EYS: variants seen among roughly 807,000 people sequenced by gnomAD.
The protein encoded by EYS is protein eyes shut homolog.
In EYS, 250 loss-of-function variants were observed where a neutral mutation model predicts 282.1. The ratio of observed to expected loss-of-function variants is 0.89; its 90% CI spans 0.80 to 0.98. The LOEUF (loss-of-function observed/expected upper bound fraction) is 0.98, where lower values mean the gene tolerates loss of function less well. Ranked by LOEUF, EYS falls within the 50% of genes least tolerant of loss-of-function variation. The probability of loss-of-function intolerance (pLI) is 0.00; values close to 1 mark genes in which losing one functional copy is unlikely to be tolerated. For synonymous variants in EYS, 1,355 were observed against 1,282.9 expected (o/e 1.06, Z -1.20); for missense variants, 4,016 against 3,709.0 (o/e 1.08, Z -2.15).
chr6:63,795,237 A>T (rs553252459), intron 37 of EYS, among the ~76,000 whole-genome samples: 1 of 152,324 alleles, frequency 6.6e-6, no homozygotes, highest in African/African-American at 2.4e-5. Flanking sequence ...GGGCAACAAG[A>T]TGAGATGCTG....
chr6:64,660,431 A>G lies in EYS; in HGVS notation c.3444-34186T>C, dbSNP rs1768961710. Among the ~76,000 whole-genome samples, 3 of 151,964 alleles carry G rather than the reference A, an allele frequency of 2.0e-5. No individual in the cohort carries two copies. In the South Asian group the frequency reaches 6.2e-4, roughly 32 times the overall value. On this transcript the variant is annotated intron_variant, in intron 22 of 42. Transcript: ENST00000503581. ...GAAATAAAGGGTATTCAATTAGGAA[A>G]AGAGGAAGTCAAATTGTCCCTGTTT... is the stretch of plus-strand genomic sequence containing the variant.
intron 12 of EYS, among the ~76,000 whole-genome samples, chr6:65,276,489 C>T (rs1768051925): frequency 6.6e-6 from 1 of 151,978 alleles, no homozygotes; most frequent in Admixed American, 6.6e-5. Context: ...TCAGGATCAA[C>T]AGGCAAAGAA....
At chr6:64,445,049 T>C (rs1775074840) in intron 26 of EYS, among the ~76,000 whole-genome samples, 1 of 152,228 alleles carries the variant, frequency 6.6e-6, no homozygotes, top group African/African-American at 2.4e-5. Flanking sequence ...TTGATAGCAA[T>C]ACAAAACAGA....
At chr6:64,486,418 A>G (rs1776580873) in intron 26 of EYS, among the ~76,000 whole-genome samples, 2 of 151,448 alleles carry the variant, frequency 1.3e-5, no homozygotes, top group Non-Finnish European at 3.0e-5. Flanking sequence ...AATTCAAGGG[A>G]TTTTGAATAA....
At chr6:65,510,117 C>A (rs1047549921) in intron 2 of EYS, among the ~76,000 whole-genome samples, 1 of 150,884 alleles carries the variant, frequency 6.6e-6, no homozygotes, top group Non-Finnish European at 1.5e-5. Flanking sequence ...GTGCGCTGCA[C>A]CCACTAACTC....
chr6:64,409,555 A>C (rs1773820874), intron 28 of EYS, among the ~76,000 whole-genome samples: 1 of 152,192 alleles, frequency 6.6e-6, no homozygotes, highest in Non-Finnish European at 1.5e-5. Flanking sequence ...ATTCTTACCA[A>C]GACATGGCCA....
At chr6:64,028,663 A>C (rs1014223426) in intron 33 of EYS, among the ~76,000 whole-genome samples, 1 of 152,136 alleles carries the variant, frequency 6.6e-6, no homozygotes, top group African/African-American at 2.4e-5. Context: ...GTCTTGCCCC[A>C]AGGGTTTAGG....
intron 39 of EYS, among the ~76,000 whole-genome samples, chr6:63,781,568 A>G (rs1417019899): frequency 1.3e-5 from 2 of 152,206 alleles, no homozygotes; most frequent in Non-Finnish European, 2.9e-5. Context: ...ATTGGTGTAT[A>G]GGAATGCTTG....
intron 33 of EYS, among the ~76,000 whole-genome samples, chr6:64,007,579 TGTTAA>T (rs754540640): frequency 2.5e-4 from 38 of 152,242 alleles, no homozygotes; most frequent in East Asian, 1.7e-3. Context: ...CTAGATGTGG[TGTTAA>T]GTTGTTAATT....
At chr6:65,258,653 C>G (rs1469151837) in intron 12 of EYS, among the ~76,000 whole-genome samples, 1 of 151,976 alleles carries the variant, frequency 6.6e-6, no homozygotes, top group Non-Finnish European at 1.5e-5. Context: ...ATTATGAGAG[C>G]AAGATTGTCT....
chr6:65,567,612 T>C (rs1764322590), intron 2 of EYS, among the ~76,000 whole-genome samples: 1 of 152,102 alleles, frequency 6.6e-6, no homozygotes, highest in African/African-American at 2.4e-5. Context: ...CTAGGAAATG[T>C]ATCATTATTT....
At chr6:65,527,712 G>A (rs906847075) in intron 2 of EYS, among the ~76,000 whole-genome samples, 8 of 152,140 alleles carry the variant, frequency 5.3e-5, no homozygotes, top group Admixed American at 1.3e-4. Flanking sequence ...CAGGGAGACC[G>A]GGCATACACC....
In EYS at chr6:65,217,961, T is replaced by G. The variant is rs534813196; in HGVS notation, c.2023+77902A>C. ...AGAGTAGAAGCACTGAGACCAACTA[T>G]GAAAGGTTTTACATTGTCTCCATTG... On this transcript the variant is annotated intron_variant, in intron 12 of 42. Transcript: ENST00000503581. Among the ~76,000 whole-genome samples the G allele has an allele frequency of 7.4e-4, 113 of 152,192 alleles. 1 individual carries two copies. The highest frequency in any genetic ancestry group is 2.6e-3 in the African/African-American group (110 of 41,562).
chr6:64,464,503 TC>T (rs1775854506), intron 26 of EYS, among the ~76,000 whole-genome samples: 3 of 152,024 alleles, frequency 2.0e-5, no homozygotes, highest in Admixed American at 2.0e-4. Flanking sequence ...AGTTAAATTG[TC>T]CCTGTTTACA....
At chr6:64,806,415 T>G (rs1478425030) in intron 22 of EYS, among the ~76,000 whole-genome samples, 9 of 151,960 alleles carry the variant, frequency 5.9e-5, no homozygotes, top group African/African-American at 1.2e-4. Flanking sequence ...ATGATACCAG[T>G]ATGGATTACT....
chr6:64,396,951 C>T (rs1465491856), intron 28 of EYS, among the ~76,000 whole-genome samples: 2 of 151,822 alleles, frequency 1.3e-5, no homozygotes, highest in Non-Finnish European at 2.9e-5. Flanking sequence ...TATTCCTGGG[C>T]TCTCTCTCTT....
chr6:64,580,190 C>T (rs1437529052), intron 26 of EYS, among the ~76,000 whole-genome samples: 1 of 152,062 alleles, frequency 6.6e-6, no homozygotes, highest in Admixed American at 6.6e-5. Flanking sequence ...TTTCTGGGAT[C>T]TCCATTCTTA....
intron 19 of EYS, among the ~76,000 whole-genome samples, chr6:64,835,282 G>T (rs895866159): frequency 6.6e-6 from 1 of 151,638 alleles, no homozygotes; most frequent in African/African-American, 2.4e-5. Context: ...ATTAATTTGG[G>T]GTTGAGCAGA....
At chr6:64,274,393 A>G (rs1768038074) in intron 30 of EYS, among the ~76,000 whole-genome samples, 1 of 150,612 alleles carries the variant, frequency 6.6e-6, no homozygotes, top group Admixed American at 6.6e-5. Flanking sequence ...GCTGGTCTCA[A>G]ACTCCTGGGC....
Sources: allele counts gnomAD v4.1 joint callset (sites outside exome capture counted in the v4.1 genomes callset), GRCh38; gene constraint gnomAD v4.1.1; transcripts MANE v1.5; gene names NCBI Gene and HGNC (gene_info 2026-07-23, HGNC 2026-07-21).